The following SKIC3 variants were observed in gnomAD, a reference collection of about 807,000 sequenced individuals.
SKIC3 encodes the protein superkiller complex protein 3.
the SKIC3 span, among the ~76,000 whole-genome samples, chr5:95,504,285 G>A: frequency 2.7e-5 from 4 of 149,686 alleles, no homozygotes; most frequent in East Asian, 1.9e-4. Context: ...GTAGTGAGCC[G>A]AGATTGCACC....
At chr5:95,532,602 C>A in the SKIC3 span, among the ~76,000 whole-genome samples, 3 of 152,086 alleles carry the variant, frequency 2.0e-5, no homozygotes, top group African/African-American at 7.2e-5. Context: ...AGGACAAAAA[C>A]AGAGGAAATA....
the SKIC3 span, among the ~76,000 whole-genome samples, chr5:95,485,932 TG>T: frequency 2.0e-5 from 3 of 152,138 alleles, no homozygotes; most frequent in South Asian, 2.1e-4. Flanking sequence ...TGGGATCAGC[TG>T]GGAGCCTAGA....
the SKIC3 span, chr5:95,521,494 A>C: frequency 3.0e-4 from 46 of 152,318 alleles, no homozygotes; most frequent in African/African-American, 1.1e-3. Context: ...GAAAAAAAAA[A>C]CCAGTTTCTT....
the SKIC3 span, chr5:95,537,242 A>G: frequency 9.7e-7 from 1 of 1,031,712 alleles, no homozygotes; most frequent in Non-Finnish European, 1.5e-6. Context: ...ATTAACTGCA[A>G]ATGTATTCTA....
At chr5:95,549,034 A>G in the SKIC3 span, among the ~76,000 whole-genome samples, 7 of 152,060 alleles carry the variant, frequency 4.6e-5, no homozygotes, top group Non-Finnish European at 8.8e-5. Flanking sequence ...AAATCAAGAG[A>G]AAGACTTAAG....
the SKIC3 span, among the ~76,000 whole-genome samples, chr5:95,526,258 T>C: frequency 1.3e-5 from 2 of 152,162 alleles, no homozygotes; most frequent in Non-Finnish European, 2.9e-5. Flanking sequence ...CTCTTTTTTT[T>C]TTCTTCCTTA....
At chr5:95,523,958 T>A in the SKIC3 span, 2 of 1,037,544 alleles carry the variant, frequency 1.9e-6, no homozygotes, top group Admixed American at 2.6e-5. Context: ...CATACAAAAA[T>A]ATGCCAAAAA....
the SKIC3 span, among the ~76,000 whole-genome samples, chr5:95,550,182 G>GC: frequency 6.6e-6 from 1 of 151,832 alleles, no homozygotes. Flanking sequence ...ATAAAAAGTG[G>GC]CAACAACTGC....
At chr5:95,494,627 A>G in the SKIC3 span, 1 of 1,555,990 alleles carries the variant, frequency 6.4e-7, no homozygotes. Flanking sequence ...CACTTACAAA[A>G]TATGTATTTA....
the SKIC3 span, among the ~76,000 whole-genome samples, chr5:95,544,277 T>G: frequency 6.6e-6 from 1 of 152,160 alleles, no homozygotes; most frequent in Non-Finnish European, 1.5e-5. Context: ...GCCCGGCTGC[T>G]GAGAGGGCCT....
At chr5:95,545,931 A>C in the SKIC3 span, among the ~76,000 whole-genome samples, 1 of 152,112 alleles carries the variant, frequency 6.6e-6, no homozygotes, top group Non-Finnish European at 1.5e-5. Flanking sequence ...GCACAGTACT[A>C]TTCTGCTCCT....
the SKIC3 span, among the ~76,000 whole-genome samples, chr5:95,497,228 A>G: frequency 0.24 from 36,727 of 152,104 alleles, 5,817 homozygotes; most frequent in African/African-American, 0.45. Context: ...CTAGAACAGC[A>G]CAACCGTATA....
chr5:95,528,909 TG>T, the SKIC3 span: 2 of 1,026,010 alleles, frequency 1.9e-6, no homozygotes, highest in African/African-American at 1.6e-5. Context: ...TATAGCATTT[TG>T]GTTTTTAAAA....
chr5:95,535,123 C>T, the SKIC3 span, among the ~76,000 whole-genome samples: 2 of 152,078 alleles, frequency 1.3e-5, no homozygotes, highest in African/African-American at 4.8e-5. Context: ...AGCTAGTCCA[C>T]CTTCTATACA....
the SKIC3 span, among the ~76,000 whole-genome samples, chr5:95,470,806 C>G: frequency 6.6e-6 from 1 of 151,646 alleles, no homozygotes; most frequent in Admixed American, 6.6e-5. Flanking sequence ...GGTACTGACT[C>G]AGAAATAACA....
the SKIC3 span, chr5:95,541,362 C>T: frequency 6.2e-7 from 1 of 1,613,624 alleles, no homozygotes; most frequent in East Asian, 2.2e-5. Context: ...AGACATCACA[C>T]CACTTCTGCT....
At chr5:95,528,137 T>A in the SKIC3 span, 2 of 1,613,612 alleles carry the variant, frequency 1.2e-6, no homozygotes, top group Non-Finnish European at 1.7e-6. Flanking sequence ...ACCAAGATTA[T>A]CTACGATCTT....
At chr5:95,495,075 A>G in the SKIC3 span, 4 of 1,563,266 alleles carry the variant, frequency 2.6e-6, no homozygotes, top group Non-Finnish European at 3.5e-6. Context: ...GAAAAAGAAA[A>G]AATTAAGATT....
the SKIC3 span, among the ~76,000 whole-genome samples, chr5:95,524,219 A>G: frequency 3.3e-5 from 5 of 152,184 alleles, no homozygotes; most frequent in Non-Finnish European, 7.4e-5. Flanking sequence ...CCTTAAAAGT[A>G]TTGTTTACAA....
Sources: gnomAD v4.1 joint callset for allele counts (sites outside exome capture counted in the v4.1 genomes callset) on GRCh38, gnomAD v4.1.1 for gene constraint, MANE v1.5 for transcripts, NCBI Gene and HGNC (gene_info 2026-07-23, HGNC 2026-07-21) for gene names.